Variants in ZNF35 observed in about 807,000 individuals in gnomAD.
The protein encoded by ZNF35 is zinc finger protein 35 (clone HF.10).
A neutral mutation model predicts 45.9 loss-of-function variants in ZNF35; 31 were observed. The ratio of observed to expected loss-of-function variants is 0.68; its 90% CI spans 0.51 to 0.91. The LOEUF (loss-of-function observed/expected upper bound fraction) is 0.91, where lower values mean the gene tolerates loss of function less well. Ranked by LOEUF, ZNF35 falls within the 40% of genes least tolerant of loss-of-function variation. The pLI, the probability that ZNF35 is intolerant of heterozygous loss-of-function variation, is 0.00. For synonymous variants in ZNF35, 205 were observed against 220.2 expected (o/e 0.93, Z 0.61); for missense variants, 515 against 625.4 (o/e 0.82, Z 1.88).
rs114973590 is a variant in ZNF35, at chr3:44,652,103, C to T, written c.193-454C>T. ...GATACTGCTGCTGATCTTTGCACCA[C>T]ACTTTGATTCATGAGGCTGTACACT... On this transcript the variant is annotated intron_variant, in intron 2 of 3. Transcript: ENST00000396056. Among the ~76,000 whole-genome samples, 1,342 of 152,264 alleles carry T rather than the reference C, an allele frequency of 8.8e-3. 22 individuals are homozygous for T. The highest frequency in any genetic ancestry group is 0.031 in the African/African-American group (1,284 of 41,534).
In ZNF35 at chr3:44,659,348, AT is replaced by A; in HGVS notation, c.987del (p.Thr330ArgfsTer201). The A allele has an allele frequency of 1.2e-6, 2 of 1,614,134 alleles. No homozygotes were observed. Among genetic ancestry groups the A allele is most frequent in the South Asian group, 1.1e-5 (1 of 91,048 alleles). On this transcript the variant is annotated frameshift_variant, in exon 4 of 4. Transcript: ENST00000396056. LOFTEE classifies it high-confidence loss of function. The surrounding 1 kb of genome is among the most constrained non-coding windows in gnomAD (Gnocchi z 4.3). ...SQLARHQKVHITEKCYECNEC... is the reference protein window; with the variant it reads ...SQLARHQKVHXTEKCYECNEC... ...ACTTGCTCGGCACCAGAAAGTCCAC[AT>A]TACGGAAAAATGCTATGAATGTAAT... is the stretch of plus-strand genomic sequence containing the variant.
chr3:44,651,411 C>G lies in ZNF35; in HGVS notation c.192+152C>G, dbSNP rs1039385166. On this transcript the variant is annotated intron_variant, in intron 2 of 3. Coordinates refer to ENST00000396056, the MANE Select transcript of ZNF35 (RefSeq NM_003420.4). ...TCTTTTGTAATAGGATAGAAACATTCCCTTCTGATTGATGTGACATTCAGT... is the reference window on the plus strand; with the variant it reads ...TCTTTTGTAATAGGATAGAAACATTGCCTTCTGATTGATGTGACATTCAGT... 2.1e-5 allele frequency: 16 copies of G among 771,052 alleles called. No individual in the cohort carries two copies. In the African/African-American group the frequency reaches 2.5e-4, roughly 12 times the overall value. The allele number at this position is 771,052 out of a possible 1,614,324, so 47.8% of individuals were successfully genotyped here.
Position 44,659,270 on chromosome 3 carries a change from G to T in ZNF35, c.907G>T (p.Glu303Ter). The T allele has an allele frequency of 6.2e-7, 1 of 1,613,510 alleles. No homozygotes were observed. The highest frequency in any genetic ancestry group is 8.5e-7 in the Non-Finnish European group (1 of 1,179,858). The change falls in exon 4 of 4, where the codon GAA (glutamate) becomes TAA (stop). Residue 303 changes from glutamate to a stop codon, truncating the protein, a stop_gained. Transcript: ENST00000396056. LOFTEE classifies it high-confidence loss of function. The surrounding 1 kb of genome is among the most constrained non-coding windows in gnomAD (Gnocchi z 4.3). ...TGTACATCAAAAAATCCACTCCTTA[G>T]AAAAAACTTTTAAGTGCAATGAATG... ...LTVHQKIHSL[E>*]KTFKCNECEK...
chr3:44,659,462 T>C lies in ZNF35; in HGVS notation c.1099T>C (p.Cys367Arg). 6.2e-7 allele frequency: 1 copy of C among 1,613,958 alleles called. No individual in the cohort carries two copies. The highest frequency in any genetic ancestry group is 8.5e-7 in the Non-Finnish European group (1 of 1,179,922). Residue 367 changes from cysteine (C) to arginine (R), a missense_variant, in exon 4 of 4, where the codon TGT (cysteine) becomes CGT (arginine). Physicochemically the swap from Cys to Arg is radical, Grantham distance 180. Around this residue, in one of 3 missense-constraint regions of ZNF35, gnomAD observed 232 missense variants for 304.6 expected, o/e 0.76. Coordinates refer to ENST00000396056, the MANE Select transcript of ZNF35 (RefSeq NM_003420.4). The surrounding 1 kb of genome is among the most constrained non-coding windows in gnomAD (Gnocchi z 4.3). ...TGEKPFACND[C>R]GKAFTQSANL... ...GGAGAAGCCCTTTGCCTGTAACGAC[T>C]GTGGCAAAGCCTTTACCCAGAGTGC...
chr3:44,652,577 T>C lies in ZNF35; in HGVS notation c.213T>C (p.Asp71=). ...EEEKGQNISW[D]MAVVLKATQE... ...TCTAGGGTCAGAACATATCCTGGGA[T>C]ATGGCGGTAGTCCTGAAAGCAACTC... Residue 71 remains aspartate (D), a synonymous_variant, in exon 3 of 4, where the codon GAT becomes GAC. Coordinates refer to ENST00000396056, the MANE Select transcript of ZNF35 (RefSeq NM_003420.4). 1 of 1,607,486 alleles carries C rather than the reference T, an allele frequency of 6.2e-7. No homozygotes were observed. The highest frequency in any genetic ancestry group is 2.2e-5 in the East Asian group (1 of 44,620).
At chr3:44,656,994 G>T (rs1703321756) in intron 3 of ZNF35, among the ~76,000 whole-genome samples, 2 of 152,156 alleles carry the variant, frequency 1.3e-5, no homozygotes, top group African/African-American at 4.8e-5. Flanking sequence ...ACTGTGCCTG[G>T]CCAGCATTTC....
chr3:44,658,609 G>A (rs1703349816), intron 3 of ZNF35, 92 bp from the exon 4 acceptor site: 1 of 1,395,796 alleles, frequency 7.2e-7, no homozygotes, highest in Non-Finnish European at 9.7e-7. Context: ...TGGAGGTGCT[G>A]AAATCACATA....
rs756355222 is a variant in ZNF35 at position 44,651,182 on chromosome 3, C to G, written c.115C>G (p.His39Asp). ...AGGTCAGGCATCCAGCCAACAAGTGCACTCCGAGAACATCAAAGTCTGGGC... is the reference window on the plus strand; with the variant it reads ...AGGTCAGGCATCCAGCCAACAAGTGGACTCCGAGAACATCAAAGTCTGGGC... Reference protein sequence around the residue: ...FPGQASSQQVHSENIKVWAPV... With the variant: ...FPGQASSQQVDSENIKVWAPV... The change falls in exon 2 of 4, where the codon CAC (histidine) becomes GAC (aspartate). Residue 39 changes from histidine (H) to aspartate (D), a missense_variant. This residue lies in a region of ZNF35 where 275 missense variants were observed against 295.7 expected (regional missense o/e 0.93). Coordinates refer to ENST00000396056, the MANE Select transcript of ZNF35 (RefSeq NM_003420.4). 8 of 1,614,132 alleles carry G rather than the reference C, an allele frequency of 5.0e-6. No homozygotes were observed. The Admixed American group carries it at 1.0e-4, about 20-fold the overall frequency.
chr3:44,651,300 A>G (rs1206236525), intron 2 of ZNF35, 41 bp downstream of exon 2: 6 of 1,591,424 alleles, frequency 3.8e-6, no homozygotes, highest in Non-Finnish European at 5.1e-6. Flanking sequence ...GAGATACTTG[A>G]AGACCTCAAG....
upstream of ZNF35, chr3:44,648,543 C>T (rs556723544): frequency 6.6e-6 from 1 of 152,192 alleles, no homozygotes; most frequent in Non-Finnish European, 1.5e-5. Context: ...AGTGTCTCAT[C>T]CCTGCTTGGG....
rs1354052890 is a variant in ZNF35 at position 44,659,725 on chromosome 3, C to A, written c.1362C>A (p.Ala454=). 6.2e-7 allele frequency: 1 copy of A among 1,614,118 alleles called. No homozygotes were observed. The highest frequency in any genetic ancestry group is 1.3e-5 in the African/African-American group (1 of 75,008). The part of the protein sequence containing the change: ...LPYVCNECGK[A]FTCSSYLLIH... ...ACGTGTGTAATGAATGTGGGAAGGC[C>A]TTCACATGTAGCTCATACCTACTTA... The change falls in exon 4 of 4, where the codon GCC becomes GCA. Residue 454 remains alanine, a synonymous_variant. Coordinates refer to ENST00000396056, the MANE Select transcript of ZNF35 (RefSeq NM_003420.4). This position sits in a 1 kb window ranked among gnomAD's most constrained non-coding sequence, Gnocchi z 4.3.
Position 44,659,428 on chromosome 3 carries a change from C to T in ZNF35, c.1065C>T (p.Ile355=). 6.2e-7 allele frequency: 1 copy of T among 1,613,026 alleles called. No homozygotes were observed. The highest frequency in any genetic ancestry group is 1.3e-5 in the African/African-American group (1 of 74,982). ...CAAACCTCATTGTCCACCAGAGGAT[C>T]CACACTGGGGAGAAGCCCTTTGCCT... The part of the protein sequence containing the change: ...RSSNLIVHQR[I]HTGEKPFACN... Residue 355 remains isoleucine (I), a synonymous_variant, in exon 4 of 4, where the codon ATC becomes ATT. Transcript: ENST00000396056. This position sits in a 1 kb window ranked among gnomAD's most constrained non-coding sequence, Gnocchi z 4.3.
At chr3:44,648,468 A>AT (rs1427976792), upstream of ZNF35, 1 of 152,174 alleles carries the variant, frequency 6.6e-6, no homozygotes, top group Admixed American at 6.5e-5. Context: ...TTGAGGGGAA[A>AT]TTATCAGGGC....
At chr3:44,649,368 G>A (rs1270814526) in intron 1 of ZNF35, among the ~76,000 whole-genome samples, 1 of 152,222 alleles carries the variant, frequency 6.6e-6, no homozygotes, top group Non-Finnish European at 1.5e-5. Context: ...AATAAATTCA[G>A]TGTATACAGT....
intron 3 of ZNF35, among the ~76,000 whole-genome samples, chr3:44,653,187 A>G (rs1254526598): frequency 6.6e-6 from 1 of 152,116 alleles, no homozygotes; most frequent in African/African-American, 2.4e-5. Flanking sequence ...GGCAGCCTTA[A>G]TTTAACCCAA....
intron 2 of ZNF35, 143 bp from the exon 3 acceptor site, chr3:44,652,414 A>T: frequency 1.2e-6 from 1 of 828,996 alleles, no homozygotes; most frequent in Non-Finnish European, 1.8e-6. Flanking sequence ...TGGGGGTTGG[A>T]GGAGACTCTG....
intron 3 of ZNF35, 28 bp downstream of exon 3, chr3:44,652,729 C>A: frequency 1.3e-6 from 2 of 1,521,314 alleles, no homozygotes; most frequent in South Asian, 1.3e-5. Context: ...GATTCTGAAT[C>A]TGACCATTGG....
At chr3:44,648,652 C>G (rs1314206748), upstream of ZNF35, 1 of 152,150 alleles carries the variant, frequency 6.6e-6, no homozygotes, top group African/African-American at 2.4e-5. Flanking sequence ...GGACACCCAT[C>G]GAGAGGAAAG....
Position 44,659,222 on chromosome 3 carries a change from TTCAC to T in ZNF35, c.863_866del (p.Thr288ArgfsTer5). 1 of 1,614,224 alleles carries T rather than the reference TTCAC, an allele frequency of 6.2e-7. No homozygotes were observed. Among genetic ancestry groups the T allele is most frequent in the Non-Finnish European group, 8.5e-7 (1 of 1,180,034 alleles). ...TGTTTGCTCAAAATGTGGGAAAGCCTTCACTCAGAGTTCAAATCTGACTGTACAT... is the reference window on the plus strand; with the variant it reads ...TGTTTGCTCAAAATGTGGGAAAGCCTTCAGAGTTCAAATCTGACTGTACAT... On this transcript the variant is annotated frameshift_variant, in exon 4 of 4. Coordinates refer to ENST00000396056, the MANE Select transcript of ZNF35 (RefSeq NM_003420.4). LOFTEE classifies it high-confidence loss of function. The surrounding 1 kb of genome is among the most constrained non-coding windows in gnomAD (Gnocchi z 4.3).
Sources: gnomAD v4.1 joint callset for allele counts (sites outside exome capture counted in the v4.1 genomes callset) on GRCh38, gnomAD v4.1.1 for gene constraint, gnomAD v4.1.1 regional missense constraint, Gnocchi (gnomAD v3.1) non-coding constraint, MANE v1.5 for transcripts, NCBI Gene and HGNC (gene_info 2026-07-23, HGNC 2026-07-21) for gene names.